PGK2: variants seen among roughly 807,000 people sequenced by gnomAD.
PGK2 encodes the protein phosphoglycerate kinase 2.
A neutral mutation model predicts 5.2 loss-of-function variants in PGK2; 5 were observed. The observed-to-expected ratio is 0.96, with a 90% CI of 0.50 to 2.01. The LOEUF (loss-of-function observed/expected upper bound fraction) is 2.01. PGK2 is among the 30% of genes most tolerant of loss of function. The pLI is 0.01. For synonymous variants in PGK2, 210 were observed against 182.6 expected (o/e 1.15, Z -1.21); for missense variants, 588 against 506.8 (o/e 1.16, Z -1.54).
At position 49,786,084 on chromosome 6, in the gene PGK2, G is replaced by A; in HGVS notation, c.1104C>T (p.Ile368=). The A allele has an allele frequency of 1.2e-6, 2 of 1,614,128 alleles. No individual in the cohort carries two copies. The highest frequency in any genetic ancestry group is 1.7e-6 in the Non-Finnish European group (2 of 1,180,024). ...EIVKATSKGC[I]TVIGGGDTAT... ...CAGTGTCTCCACCCCCTATAACAGT[G>A]ATGCAGCCCTTGGAAGTGGCTTTCA... Residue 368 remains isoleucine, a synonymous_variant, in exon 1 of 1, where the codon ATC becomes ATT. Coordinates refer to ENST00000304801, the MANE Select transcript of PGK2 (RefSeq NM_138733.5).
chr6:49,787,060 G>A lies in PGK2; in HGVS notation c.128C>T (p.Ser43Phe). ...CAGGCAGTACTTGATGCTTGGGATGGAAGCCTTGATCCTCTGGTTGTTTGT... is the reference window on the plus strand; with the variant it reads ...CAGGCAGTACTTGATGCTTGGGATGAAAGCCTTGATCCTCTGGTTGTTTGT... The part of the protein sequence containing the change: ...QITNNQRIKA[S>F]IPSIKYCLDN... Residue 43 changes from serine (S) to phenylalanine (F), a missense_variant, in exon 1 of 1, where the codon TCC (serine) becomes TTC (phenylalanine). Physicochemically the swap from Ser to Phe is radical, Grantham distance 155. Coordinates refer to ENST00000304801, the MANE Select transcript of PGK2 (RefSeq NM_138733.5). 6.2e-7 allele frequency: 1 copy of A among 1,614,098 alleles called. No homozygotes were observed. The highest frequency in any genetic ancestry group is 1.1e-5 in the South Asian group (1 of 91,074).
chr6:49,785,837 A>T lies in PGK2; in HGVS notation c.*97T>A. ...TTGTCCATTACATAGGTCTTGATCT[A>T]GGAGTAGATTTTAACAAAAGTCACA... is the stretch of plus-strand genomic sequence containing the variant. On this transcript the variant is annotated 3_prime_UTR_variant, in exon 1 of 1. Transcript: ENST00000304801. 1 of 939,938 alleles carries T rather than the reference A, an allele frequency of 1.1e-6. No individual in the cohort carries two copies. The highest frequency in any genetic ancestry group is 1.6e-6 in the Non-Finnish European group (1 of 610,346). The allele number at this position is 939,938 out of a possible 1,614,324, so 58.2% of individuals were successfully genotyped here. A position where few individuals can be genotyped will look rare whatever the true frequency, so the allele number is the denominator to read the frequency against.
chr6:49,786,147 G>A lies in PGK2; in HGVS notation c.1041C>T (p.Ala347=). 1 of 1,614,070 alleles carries A rather than the reference G, an allele frequency of 6.2e-7. No individual in the cohort carries two copies. Among genetic ancestry groups the A allele is most frequent in the Middle Eastern group, 1.6e-4 (1 of 6,062 alleles). Residue 347 remains alanine (A), a synonymous_variant, in exon 1 of 1, where the codon GCC becomes GCT. Coordinates refer to ENST00000304801, the MANE Select transcript of PGK2 (RefSeq NM_138733.5). ...TGAGGGCTTTGGTTCCCTTAGCAAA[G>A]GCATCCCATTCAAATACTCCTAACG... ...NGPLGVFEWD[A]FAKGTKALMD...
In PGK2 at chr6:49,786,783, G is replaced by A. The variant is rs142594452; in HGVS notation, c.405C>T (p.Pro135=). Residue 135 remains proline (P), a synonymous_variant, in exon 1 of 1, where the codon CCC becomes CCT. Coordinates refer to ENST00000304801, the MANE Select transcript of PGK2 (RefSeq NM_138733.5). ...HVEEEGKGQD[P]SGKKIKAEPD... ...GCTCAGCTTTAATCTTCTTTCCAGA[G>A]GGATCTTGGCCCTTCCCTTCTTCCT... 8.4e-5 allele frequency: 136 copies of A among 1,614,088 alleles called. No homozygotes were observed. In the African/African-American group the frequency reaches 1.6e-3, roughly 19 times the overall value.
Position 49,786,521 on chromosome 6 carries a change from G to A in PGK2, c.667C>T (p.Leu223Phe). ...ACTTTGTCCAGCATATTTTTGATAA[G>A]TTGGATCTTGTCTGCCACTTTGGCT... The part of the protein sequence containing the change: ...GGAKVADKIQ[L>F]IKNMLDKVNE... Residue 223 changes from leucine to phenylalanine, a missense_variant, in exon 1 of 1, where the codon CTT becomes TTT. Transcript: ENST00000304801. 1 of 1,614,066 alleles carries A rather than the reference G, an allele frequency of 6.2e-7. No homozygotes were observed. The highest frequency in any genetic ancestry group is 8.5e-7 in the Non-Finnish European group (1 of 1,179,996).
In PGK2 at chr6:49,785,817, C is replaced by T. The variant is rs1477139958; in HGVS notation, c.*117G>A. ...AGTTCCTGATGGCCTGCTGCTTGTC[C>T]ATTACATAGGTCTTGATCTAGGAGT... On this transcript the variant is annotated 3_prime_UTR_variant, in exon 1 of 1. Coordinates refer to ENST00000304801, the MANE Select transcript of PGK2 (RefSeq NM_138733.5). 2.6e-6 allele frequency: 2 copies of T among 770,132 alleles called. No individual in the cohort carries two copies. Among genetic ancestry groups the T allele is most frequent in the East Asian group, 2.5e-5 (1 of 39,368 alleles). 47.7% of individuals were successfully genotyped at this position (770,132 alleles called of 1,614,324 possible). A position where few individuals can be genotyped will look rare whatever the true frequency, so the allele number is the denominator to read the frequency against.
In PGK2 at chr6:49,786,112, A is replaced by G. The variant is rs755149321; in HGVS notation, c.1076T>C (p.Ile359Thr). Residue 359 changes from isoleucine (I) to threonine (T), a missense_variant, in exon 1 of 1, where the codon ATT becomes ACT. Physicochemically the swap from Ile to Thr is moderately conservative, Grantham distance 89. Coordinates refer to ENST00000304801, the MANE Select transcript of PGK2 (RefSeq NM_138733.5). ...GCAGCCCTTGGAAGTGGCTTTCACA[A>G]TTTCATCCATGAGGGCTTTGGTTCC... ...AKGTKALMDEIVKATSKGCIT... is the reference protein window; with the variant it reads ...AKGTKALMDETVKATSKGCIT... The G allele has an allele frequency of 4.4e-5, 71 of 1,613,958 alleles. 1 individual carries two copies. In the East Asian group the frequency reaches 1.4e-3, roughly 31 times the overall value.
In PGK2 at chr6:49,786,107, T is replaced by C. The variant is rs1769900432; in HGVS notation, c.1081A>G (p.Lys361Glu). The change falls in exon 1 of 1, where the codon AAA (lysine) becomes GAA (glutamate). Residue 361 changes from lysine to glutamate, a missense_variant. By Grantham distance (56) the Lys-to-Glu change is moderately conservative. Coordinates refer to ENST00000304801, the MANE Select transcript of PGK2 (RefSeq NM_138733.5). Reference protein sequence around the residue: ...GTKALMDEIVKATSKGCITVI... With the variant: ...GTKALMDEIVEATSKGCITVI... ...GTGATGCAGCCCTTGGAAGTGGCTT[T>C]CACAATTTCATCCATGAGGGCTTTG... 1 of 1,614,130 alleles carries C rather than the reference T, an allele frequency of 6.2e-7. No individual in the cohort carries two copies. Among genetic ancestry groups the C allele is most frequent in the African/African-American group, 1.3e-5 (1 of 75,034 alleles).
rs1454066410 is a variant in PGK2 at position 49,786,890 on chromosome 6, C to G, written c.298G>C (p.Val100Leu). Residue 100 changes from valine (V) to leucine (L), a missense_variant, in exon 1 of 1, where the codon GTA becomes CTA. Physicochemically the swap from Val to Leu is conservative, Grantham distance 32 (BLOSUM62 1). Coordinates refer to ENST00000304801, the MANE Select transcript of PGK2 (RefSeq NM_138733.5). ...GKDVLFLKDC[V>L]GAEVEKACAN... is the part of the protein sequence containing the mutation. Reference sequence around the variant, plus strand: ...CAGGCTTTCTCCACTTCTGCGCCTACACAGTCCTTCAGGAACAGAACATCC... The same window carrying G: ...CAGGCTTTCTCCACTTCTGCGCCTAGACAGTCCTTCAGGAACAGAACATCC... 1.9e-6 allele frequency: 3 copies of G among 1,614,028 alleles called. No homozygotes were observed. The Admixed American group carries it at 5.0e-5, about 27-fold the overall frequency.
In PGK2 at chr6:49,787,214, C is replaced by A; in HGVS notation, c.-27G>T. 2 of 1,568,600 alleles carry A rather than the reference C, an allele frequency of 1.3e-6. No homozygotes were observed. The highest frequency in any genetic ancestry group is 1.2e-5 in the South Asian group (1 of 85,918). Reference sequence around the variant, plus strand: ...TTGACAATATAAAGACATAGGCTGACACCTGGATCTTAATGCTGAAGAACC... The same window carrying A: ...TTGACAATATAAAGACATAGGCTGAAACCTGGATCTTAATGCTGAAGAACC... On this transcript the variant is annotated 5_prime_UTR_variant, in exon 1 of 1. Transcript: ENST00000304801.
Sources: gnomAD v4.1 joint callset for allele counts on GRCh38, gnomAD v4.1.1 for gene constraint, MANE v1.5 for transcripts, NCBI Gene and HGNC (gene_info 2026-07-23, HGNC 2026-07-21) for gene names.